The following ADGRD2 variants were observed in gnomAD, a reference collection of about 807,000 sequenced individuals.
ADGRD2 encodes G protein-coupled receptor PGR24.
A neutral mutation model predicts 44.4 loss-of-function variants in ADGRD2; 71 were observed. That is an observed-to-expected ratio of 1.60 (90% CI 1.32 to 1.95). The LOEUF (loss-of-function observed/expected upper bound fraction) is 1.95. ADGRD2 is among the 30% of genes most tolerant of loss of function. The pLI is 0.00. For missense variants in ADGRD2, 1,039 were observed against 512.4 expected (o/e 2.03, Z -9.92); for synonymous variants, 481 against 224.8 (o/e 2.14, Z -10.19).
intron 10 of ADGRD2, among the ~76,000 whole-genome samples, chr9:124,458,935 G>A (rs1400852228): frequency 6.6e-6 from 1 of 152,336 alleles, no homozygotes; most frequent in South Asian, 2.1e-4. Context: ...CGCAGCCTTC[G>A]TTTAATCCTC....
rs11999178 is a variant in ADGRD2, at chr9:124,453,169, C to T, written c.418C>T (p.Pro140Ser). 8.0e-4 allele frequency: 554 copies of T among 696,028 alleles called. 3 individuals are homozygous for T. The African/African-American group carries it at 8.5e-3, about 11-fold the overall frequency. The allele number at this position is 696,028 out of a possible 1,614,324, so 43.1% of individuals were successfully genotyped here. A position where few individuals can be genotyped will look rare whatever the true frequency, so the allele number is the denominator to read the frequency against. The stretch of plus-strand genomic sequence containing the variant: ...GCAGTGGGACTGTGCCTCGCCCGAC[C>T]CCGCAGCGCTCTTCTCCGTTGCCGC... The change falls in exon 3 of 22, where the codon CCC becomes TCC. Residue 140 changes from proline to serine, a missense_variant. Transcript: ENST00000334810.
chr9:124,476,413 C>A, exon 20 of ADGRD2: 2 of 702,064 alleles, frequency 2.8e-6, no homozygotes, highest in Non-Finnish European at 5.2e-6. Context: ...CCCGGAGAGA[C>A]AGGTGAGGCT....
At chr9:124,477,180 C>T (rs1435868144) in intron 21 of ADGRD2, 6 of 412,266 alleles carry the variant, frequency 1.5e-5, no homozygotes, top group Non-Finnish European at 3.0e-5. Context: ...AGCTGGACAG[C>T]TGATGGGGGC....
intron 10 of ADGRD2, among the ~76,000 whole-genome samples, chr9:124,459,554 C>T (rs1831687924): frequency 6.6e-6 from 1 of 151,852 alleles, no homozygotes; most frequent in Non-Finnish European, 1.5e-5. Context: ...AGGGTTTCGC[C>T]ACCAAGGATT....
chr9:124,453,414 C>A lies in ADGRD2; in HGVS notation c.663C>A (p.Ala221=), dbSNP rs977690137. The change falls in exon 3 of 22, where the codon GCC becomes GCA. Residue 221 remains alanine, a synonymous_variant. Transcript: ENST00000334810. ...GCGCTGGGGCGCGGGGGCTGGGCGC[C>A]GGCCACCCGGTGCCGTCCGGCGGCA... 4.9e-5 allele frequency: 30 copies of A among 615,488 alleles called. 1 individual carries two copies. Among genetic ancestry groups the A allele is most frequent in the African/African-American group, 4.8e-4 (24 of 50,486 alleles). 38.1% of individuals were successfully genotyped at this position (615,488 alleles called of 1,614,324 possible).
At chr9:124,460,766 CTCATATACAAGTCTTTTTGTGGATAAAT>C (rs1357238233) in intron 10 of ADGRD2, among the ~76,000 whole-genome samples, 5 of 152,064 alleles carry the variant, frequency 3.3e-5, no homozygotes, top group Non-Finnish European at 7.4e-5. Flanking sequence ...GCTATGAACA[CTCATATACAAGTCTTTTTGTGGATAAAT>C]GATTTCTCTT....
chr9:124,456,218 G>T (rs930185112), intron 6 of ADGRD2, among the ~76,000 whole-genome samples: 1 of 152,224 alleles, frequency 6.6e-6, no homozygotes, highest in South Asian at 2.1e-4. Flanking sequence ...CAGAGTAGGT[G>T]CCCCATGAAT....
At chr9:124,477,696 G>A (rs1191633901) in intron 21 of ADGRD2, among the ~76,000 whole-genome samples, 1 of 152,180 alleles carries the variant, frequency 6.6e-6, no homozygotes, top group Non-Finnish European at 1.5e-5. Context: ...CCCATCCCCG[G>A]CTGGCATCTC....
chr9:124,468,737 A>G (rs1588607366), intron 14 of ADGRD2, 65 bp downstream of exon 17: 1 of 659,330 alleles, frequency 1.5e-6, no homozygotes, highest in Non-Finnish European at 2.8e-6. Context: ...CGACCCTGCC[A>G]TCTAACATGG....
chr9:124,466,496 A>G, intron 11 of ADGRD2, 83 bp downstream of exon 14: 1 of 591,458 alleles, frequency 1.7e-6, no homozygotes, highest in Non-Finnish European at 3.2e-6. Flanking sequence ...AGCCAGAAGA[A>G]GCATCTGAGG....
chr9:124,469,449 G>A, exon 16 of ADGRD2: 1 of 718,204 alleles, frequency 1.4e-6, no homozygotes. Flanking sequence ...CCTGCATCCT[G>A]GCCCGTGTGG....
chr9:124,451,379 G>A (rs187641798), upstream of ADGRD2: 4 of 380,674 alleles, frequency 1.1e-5, no homozygotes, highest in Non-Finnish European at 2.1e-5. Flanking sequence ...TCTCCAGGGC[G>A]ACAGTGTTTC....
At chr9:124,476,364 T>C (rs1478034242) in exon 20 of ADGRD2, 2 of 700,486 alleles carry the variant, frequency 2.9e-6, no homozygotes, top group South Asian at 1.5e-5. Flanking sequence ...TAGGGACCTA[T>C]GGCCCTAGAA....
Position 124,476,727 on chromosome 9 carries a change from C to T in ADGRD2, c.*18+18C>T, listed in dbSNP as rs949129692. The T allele has an allele frequency of 1.1e-5, 8 of 699,254 alleles. No homozygotes were observed. The highest frequency in any genetic ancestry group is 1.8e-5 in the Non-Finnish European group (7 of 382,678). 43.3% of individuals were successfully genotyped at this position (699,254 alleles called of 1,614,324 possible). A position where few individuals can be genotyped will look rare whatever the true frequency, so the allele number is the denominator to read the frequency against. ...AGCTTCAGGTACAGTCCCCACCTCA[C>T]GGGGTCCCCTCTTTTCTTTTTGGGC... is the stretch of plus-strand genomic sequence containing the variant. On this transcript the variant is annotated intron_variant, in intron 21 of 21. Transcript: ENST00000334810.
upstream of ADGRD2, chr9:124,451,342 A>G (rs1266303551): frequency 2.5e-6 from 1 of 407,444 alleles, no homozygotes; most frequent in Non-Finnish European, 5.0e-6. Context: ...CTGGCCAGCG[A>G]CTGCTGCTGC....
intron 10 of ADGRD2, among the ~76,000 whole-genome samples, chr9:124,462,792 C>G (rs1831744930): frequency 6.6e-6 from 1 of 152,174 alleles, no homozygotes; most frequent in Non-Finnish European, 1.5e-5. Flanking sequence ...TAGCTCTTTT[C>G]TGGAACCTCT....
chr9:124,474,396 G>A (rs549699907), intron 17 of ADGRD2, among the ~76,000 whole-genome samples: 1 of 152,310 alleles, frequency 6.6e-6, no homozygotes, highest in East Asian at 1.9e-4. Flanking sequence ...GCCTTTGGGT[G>A]GTAAGGAGTG....
chr9:124,476,694 G>A (rs1832055365), exon 21 of ADGRD2: 1 of 702,296 alleles, frequency 1.4e-6, no homozygotes, highest in Non-Finnish European at 2.6e-6. Flanking sequence ...GGAACTGACA[G>A]CGTTCAAAGC....
chr9:124,466,648 A>G, intron 11 of ADGRD2: 1 of 336,682 alleles, frequency 3.0e-6, no homozygotes, highest in Non-Finnish European at 5.4e-6. Context: ...CGTCTCTACC[A>G]AAAATGCAAA....
Sources: allele counts gnomAD v4.1 joint callset (sites outside exome capture counted in the v4.1 genomes callset), GRCh38; gene constraint gnomAD v4.1.1; transcripts MANE v1.5; gene names NCBI Gene and HGNC (gene_info 2026-07-23, HGNC 2026-07-21).